Variants in SYNPR observed in about 807,000 individuals in gnomAD.
The protein encoded by SYNPR is synaptoporin.
Under a neutral mutation model 32.9 loss-of-function variants are expected in SYNPR, and 23 were observed. The observed-to-expected ratio is 0.70, with a 90% CI of 0.50 to 0.99. The LOEUF is 0.99. SYNPR is among the 50% of genes least tolerant of loss of function. The probability of loss-of-function intolerance (pLI) is 0.00; values close to 1 mark genes in which losing one functional copy is unlikely to be tolerated. For synonymous variants in SYNPR, 146 were observed against 135.9 expected (o/e 1.07, Z -0.52); for missense variants, 318 against 349.3 (o/e 0.91, Z 0.71).
intron 2 of SYNPR, among the ~76,000 whole-genome samples, chr3:63,308,498 T>C (rs983702490): frequency 6.6e-5 from 10 of 151,954 alleles, no homozygotes; most frequent in African/African-American, 2.4e-4. Flanking sequence ...GTAGTGTATG[T>C]CTGTTGGTGG....
At chr3:63,521,907 A>C (rs1701922724) in intron 3 of SYNPR, among the ~76,000 whole-genome samples, 1 of 152,156 alleles carries the variant, frequency 6.6e-6, no homozygotes. Context: ...CCCTCCTGCC[A>C]GTGCTTCCGA....
At chr3:63,442,096 T>C (rs1700188339) in intron 2 of SYNPR, among the ~76,000 whole-genome samples, 1 of 151,976 alleles carries the variant, frequency 6.6e-6, no homozygotes, top group Non-Finnish European at 1.5e-5. Flanking sequence ...AAGTTGTTAC[T>C]GTGTGTATAA....
At chr3:63,399,680 C>G (rs866729926) in intron 2 of SYNPR, among the ~76,000 whole-genome samples, 4 of 152,142 alleles carry the variant, frequency 2.6e-5, no homozygotes, top group Non-Finnish European at 1.5e-5. Flanking sequence ...CAGACCATAG[C>G]AGGTGGACCT....
chr3:63,264,396 GAAA>G (rs3082043), intron 2 of SYNPR, among the ~76,000 whole-genome samples: 7 of 151,712 alleles, frequency 4.6e-5, no homozygotes, highest in African/African-American at 1.7e-4. Context: ...AAGCCTGTTT[GAAA>G]AAAATCATTT....
intron 2 of SYNPR, among the ~76,000 whole-genome samples, chr3:63,343,694 A>G (rs539872946): frequency 6.6e-6 from 1 of 152,214 alleles, no homozygotes; most frequent in African/African-American, 2.4e-5. Context: ...AAATTACCCT[A>G]GAAGTTGTTT....
chr3:63,479,446 G>GCACGCACACACACACACA (rs1553640032), intron 2 of SYNPR, among the ~76,000 whole-genome samples: 2 of 135,742 alleles, frequency 1.5e-5, no homozygotes. Context: ...CCACACACAT[G>GCACGCACACACACACACA]CACACACACA....
intron 2 of SYNPR, among the ~76,000 whole-genome samples, chr3:63,358,699 T>C (rs1424416468): frequency 1.3e-5 from 2 of 152,194 alleles, no homozygotes; most frequent in African/African-American, 4.8e-5. Flanking sequence ...GAACTGAAGT[T>C]TAATTAACAC....
intron 3 of SYNPR, among the ~76,000 whole-genome samples, chr3:63,493,299 C>T (rs1701290355): frequency 6.6e-6 from 1 of 152,026 alleles, no homozygotes; most frequent in Admixed American, 6.6e-5. Context: ...AACTGACTCG[C>T]TAGTCAGATA....
intron 1 of SYNPR, among the ~76,000 whole-genome samples, chr3:63,235,159 A>G (rs1390486421): frequency 6.6e-6 from 1 of 152,196 alleles, no homozygotes; most frequent in Admixed American, 6.5e-5. Context: ...AACATTTAGC[A>G]TCACCACAGT....
chr3:63,290,069 G>T (rs934022803), intron 2 of SYNPR, among the ~76,000 whole-genome samples: 1 of 151,012 alleles, frequency 6.6e-6, no homozygotes, highest in Non-Finnish European at 1.5e-5. Context: ...GGCAGAGCTT[G>T]CAGTGAGCAG....
intron 3 of SYNPR, among the ~76,000 whole-genome samples, chr3:63,504,383 C>A (rs1237672841): frequency 1.3e-5 from 2 of 152,154 alleles, no homozygotes; most frequent in Non-Finnish European, 2.9e-5. Flanking sequence ...TGGTGATTCA[C>A]AGAATAGAAG....
chr3:63,260,227 G>A (rs145776789), intron 2 of SYNPR, among the ~76,000 whole-genome samples: 3,309 of 152,184 alleles, frequency 0.022, 104 homozygotes, highest in African/African-American at 0.07. Flanking sequence ...CTACTTTGAA[G>A]TTCATATGGA....
intron 4 of SYNPR, among the ~76,000 whole-genome samples, chr3:63,581,236 T>A (rs1198674183): frequency 6.6e-6 from 1 of 152,154 alleles, no homozygotes; most frequent in African/African-American, 2.4e-5. Flanking sequence ...CGATACTTCA[T>A]AAACTGCATC....
rs10566584 is a variant in SYNPR, at chr3:63,613,610, C to CAAAAAAAAAAA, written c.601-1595_601-1585dup. ...TGCCTCAGTTCAATTTATGCTGCAG[C>CAAAAAAAAAAA]AAAAAAAAAAAAAAAAAAAAAAAAA... is the stretch of plus-strand genomic sequence containing the variant. On this transcript the variant is annotated intron_variant, in intron 5 of 5. Transcript: ENST00000478300. Among the ~76,000 whole-genome samples the CAAAAAAAAAAA allele has an allele frequency of 2.4e-4, 11 of 46,052 alleles. 1 individual carries two copies. In the East Asian group the frequency reaches 5.2e-3, roughly 22 times the overall value. 30.2% of individuals were successfully genotyped at this position (46,052 alleles called of 152,430 possible). A position where few individuals can be genotyped will look rare whatever the true frequency, so the allele number is the denominator to read the frequency against.
At chr3:63,289,773 C>G (rs1303561262) in intron 2 of SYNPR, among the ~76,000 whole-genome samples, 3 of 152,106 alleles carry the variant, frequency 2.0e-5, no homozygotes, top group Non-Finnish European at 2.9e-5. Context: ...GAGACAAGTG[C>G]TTTATTAAGT....
chr3:63,574,659 C>T (rs1702947455), intron 4 of SYNPR, among the ~76,000 whole-genome samples: 1 of 152,118 alleles, frequency 6.6e-6, no homozygotes, highest in Non-Finnish European at 1.5e-5. Flanking sequence ...TACATATCAG[C>T]CTCTACCACC....
Position 63,278,345 on chromosome 3 carries a change from G to T in SYNPR, c.-189G>T. ...CTCGCTTCGCTTCCCCGACGCGCTG[G>T]GTTCCCGGAGCGCAGAGCCCAGCGT... is the stretch of plus-strand genomic sequence containing the variant. On this transcript the variant is annotated 5_prime_UTR_variant, in exon 1 of 6. Coordinates refer to ENST00000478300, the MANE Select transcript of SYNPR (RefSeq NM_001130003.2). The T allele has an allele frequency of 1.5e-6, 1 of 678,638 alleles. No individual in the cohort carries two copies. The highest frequency in any genetic ancestry group is 2.4e-6 in the Non-Finnish European group (1 of 410,554). 42.0% of individuals were successfully genotyped at this position (678,638 alleles called of 1,614,324 possible).
intron 2 of SYNPR, among the ~76,000 whole-genome samples, chr3:63,394,564 T>C (rs1379392729): frequency 6.6e-6 from 1 of 152,186 alleles, no homozygotes; most frequent in African/African-American, 2.4e-5. Flanking sequence ...TGGCAAAATC[T>C]GTTACCTTTT....
chr3:63,597,847 A>C lies in SYNPR; in HGVS notation c.409-11278A>C, dbSNP rs116196968. On this transcript the variant is annotated intron_variant, in intron 4 of 5. Coordinates refer to ENST00000478300, the MANE Select transcript of SYNPR (RefSeq NM_001130003.2). ...AATAAGGAAACAATCCCATAAGTGG[A>C]TAGAACAGAAACTTGTCCTGTCTAT... Among the ~76,000 whole-genome samples the C allele has an allele frequency of 3.5e-3, 530 of 152,340 alleles. 4 individuals carry two copies. Among genetic ancestry groups the C allele is most frequent in the African/African-American group, 0.012 (502 of 41,582 alleles).
Sources: gnomAD v4.1 joint callset for allele counts (sites outside exome capture counted in the v4.1 genomes callset) on GRCh38, gnomAD v4.1.1 for gene constraint, MANE v1.5 for transcripts, NCBI Gene and HGNC (gene_info 2026-07-23, HGNC 2026-07-21) for gene names.